The following HADH variants were observed in gnomAD, a reference collection of about 807,000 sequenced individuals.
HADH encodes hydroxyacyl-coenzyme A dehydrogenase, mitochondrial.
A neutral mutation model predicts 32.2 loss-of-function variants in HADH; 24 were observed. The observed-to-expected ratio is 0.75, with a 90% CI of 0.54 to 1.05. HADH has a LOEUF of 1.05. Among genes scored for constraint, HADH ranks in the 50% least tolerant of loss-of-function variants. The pLI is 0.00. For missense variants in HADH, 350 were observed against 397.1 expected (o/e 0.88, Z 1.01); for synonymous variants, 139 against 152.5 (o/e 0.91, Z 0.65).
rs4552543 is a variant in HADH, at chr4:108,032,936, T to C, written c.710-240T>C. ...GGCGGAGGTTGCAGCGAGCCAAGAT[T>C]GTGCCATTGCACTTCAGCTTGGGTG... On this transcript the variant is annotated intron_variant, in intron 6 of 7. Coordinates refer to ENST00000309522, the MANE Select transcript of HADH (RefSeq NM_005327.7). 1 allele frequency: 493,161 copies of C among 493,692 alleles called. 246,318 individuals carry two copies. Among genetic ancestry groups the C allele is most frequent in the Middle Eastern group, 1 (1,774 of 1,774 alleles). 30.6% of individuals were successfully genotyped at this position (493,692 alleles called of 1,614,324 possible).
chr4:107,995,642 A>G (rs140885988), intron 1 of HADH, among the ~76,000 whole-genome samples: 1 of 152,214 alleles, frequency 6.6e-6, no homozygotes. Context: ...ATTTAATTTC[A>G]TGTGACCATT....
chr4:108,034,009 A>G lies in HADH; in HGVS notation c.827-230A>G, dbSNP rs147476092. The stretch of plus-strand genomic sequence containing the variant: ...ACTGGATAAGCAGGAGGACCATAGT[A>G]GGGCCAGGCTTCAGGCAGCACAGGT... On this transcript the variant is annotated intron_variant, in intron 7 of 7. Transcript: ENST00000309522. Among the ~76,000 whole-genome samples, 59 of 152,360 alleles carry G rather than the reference A, an allele frequency of 3.9e-4. No individual in the cohort carries two copies. The East Asian group carries it at 8.1e-3, about 21-fold the overall frequency.
chr4:107,990,545 A>C (rs952809866), intron 1 of HADH, among the ~76,000 whole-genome samples: 1 of 152,118 alleles, frequency 6.6e-6, no homozygotes, highest in Non-Finnish European at 1.5e-5. Context: ...TTTCTCTCCT[A>C]AACGGCCTCC....
intron 4 of HADH, among the ~76,000 whole-genome samples, chr4:108,022,363 C>T (rs1432188185): frequency 6.6e-6 from 1 of 152,120 alleles, no homozygotes; most frequent in Non-Finnish European, 1.5e-5. Context: ...TGCCGGGCAT[C>T]GTGCTTGGTG....
rs757783275 is a variant in HADH at position 108,033,274 on chromosome 4, A to G, written c.808A>G (p.Thr270Ala). 3 of 1,565,116 alleles carry G rather than the reference A, an allele frequency of 1.9e-6. No individual in the cohort carries two copies. The highest frequency in any genetic ancestry group is 2.6e-6 in the Non-Finnish European group (3 of 1,135,476). Residue 270 changes from threonine to alanine, a missense_variant, in exon 7 of 8, where the codon ACG becomes GCG. Thr to Ala is a moderately conservative substitution (Grantham distance 58, BLOSUM62 0). Coordinates refer to ENST00000309522, the MANE Select transcript of HADH (RefSeq NM_005327.7). The part of the protein sequence containing the change: ...ELLDYVGLDT[T>A]KFIVDGWHEM... ...TCTAGATTATGTCGGACTGGATACT[A>G]CGAAGTTCATCGTGGATGGTAGGAA... is the stretch of plus-strand genomic sequence containing the variant.
chr4:108,022,994 CTTT>C (rs11335135), intron 4 of HADH, among the ~76,000 whole-genome samples: 16 of 118,284 alleles, frequency 1.4e-4, no homozygotes, highest in Non-Finnish European at 1.5e-4. Flanking sequence ...ACACTGTTGT[CTTT>C]TTTTTTTTTT....
chr4:107,990,165 C>G lies in HADH; in HGVS notation c.132+101C>G, dbSNP rs980343051. 5.5e-6 allele frequency: 7 copies of G among 1,271,328 alleles called. No homozygotes were observed. The African/African-American group carries it at 1.0e-4, about 19-fold the overall frequency. The allele number at this position is 1,271,328 out of a possible 1,614,324, so 78.8% of individuals were successfully genotyped here. On this transcript the variant is annotated intron_variant, in intron 1 of 7. Transcript: ENST00000309522. ...GCGAGGGGCCTGCACCCGCCCGACA[C>G]CAGGGAGTTTTCACCCCGCGCCTCC... is the stretch of plus-strand genomic sequence containing the variant.
intron 5 of HADH, chr4:108,027,182 G>A (rs1736095961): frequency 4.8e-6 from 1 of 209,590 alleles, no homozygotes; most frequent in Admixed American, 5.2e-5. Flanking sequence ...GACCATTCAA[G>A]GTGGAGTGTG....
chr4:107,992,174 A>G (rs1290026449), intron 1 of HADH, among the ~76,000 whole-genome samples: 1 of 152,200 alleles, frequency 6.6e-6, no homozygotes, highest in Non-Finnish European at 1.5e-5. Flanking sequence ...TAGGTGGACC[A>G]GGGAGTGCCT....
chr4:108,008,165 G>A (rs888778082), intron 1 of HADH, among the ~76,000 whole-genome samples: 12 of 152,196 alleles, frequency 7.9e-5, no homozygotes, highest in Admixed American at 5.9e-4. Flanking sequence ...CTTTTGGGAC[G>A]TTGTTTTACT....
intron 1 of HADH, among the ~76,000 whole-genome samples, chr4:107,995,236 C>T (rs1415596474): frequency 2.6e-5 from 4 of 152,154 alleles, no homozygotes; most frequent in African/African-American, 9.7e-5. Context: ...TAGATGCTAG[C>T]CTTCCTATCC....
intron 1 of HADH, among the ~76,000 whole-genome samples, chr4:108,006,729 G>A (rs1324136284): frequency 2.6e-5 from 4 of 152,196 alleles, no homozygotes; most frequent in South Asian, 2.1e-4. Context: ...CCACAAAAGG[G>A]TTAGGGTGTT....
chr4:108,004,014 C>T (rs1735206891), intron 1 of HADH, among the ~76,000 whole-genome samples: 1 of 152,154 alleles, frequency 6.6e-6, no homozygotes, highest in Non-Finnish European at 1.5e-5. Flanking sequence ...CTGGCCCTTG[C>T]CTGTCTCAGT....
At chr4:107,991,230 T>G (rs915039307) in intron 1 of HADH, among the ~76,000 whole-genome samples, 1 of 152,180 alleles carries the variant, frequency 6.6e-6, no homozygotes, top group Admixed American at 6.5e-5. Context: ...CTGATTATAT[T>G]CTTAGCATTT....
chr4:108,026,535 G>C (rs1328414397), intron 5 of HADH: 1 of 152,200 alleles, frequency 6.6e-6, no homozygotes, highest in East Asian at 1.9e-4. Context: ...TCTTAATTAA[G>C]CTGATAAAAC....
At chr4:108,005,300 T>A (rs1735259024) in intron 1 of HADH, 3 of 161,796 alleles carry the variant, frequency 1.9e-5, no homozygotes, top group Non-Finnish European at 4.1e-5. Flanking sequence ...CATCCCCTTA[T>A]GTGCATTTGT....
chr4:108,018,738 C>A (rs1340898917), intron 3 of HADH, among the ~76,000 whole-genome samples: 1 of 152,150 alleles, frequency 6.6e-6, no homozygotes, highest in Non-Finnish European at 1.5e-5. Context: ...TGGTTGGAAT[C>A]AGCACCAGGC....
chr4:108,004,445 C>T, intron 1 of HADH: 1 of 331,270 alleles, frequency 3.0e-6, no homozygotes, highest in Non-Finnish European at 5.9e-6. Context: ...ATTTTTTTAC[C>T]CAAACTGTAC....
intron 5 of HADH, chr4:108,024,673 T>C (rs1736000095): frequency 6.6e-6 from 1 of 152,208 alleles, no homozygotes; most frequent in African/African-American, 2.4e-5. Context: ...AATAATTGGA[T>C]GTTATGATTG....
Sources: allele counts gnomAD v4.1 joint callset (sites outside exome capture counted in the v4.1 genomes callset), GRCh38; gene constraint gnomAD v4.1.1; transcripts MANE v1.5; gene names NCBI Gene and HGNC (gene_info 2026-07-23, HGNC 2026-07-21).